The following VWA8 variants were observed in gnomAD, a reference collection of about 807,000 sequenced individuals.
VWA8 encodes the protein von Willebrand factor A domain-containing protein 8.
VWA8 carries 221 observed loss-of-function variants against 241.5 expected under a neutral mutation model. The ratio of observed to expected loss-of-function variants is 0.91; its 90% CI spans 0.82 to 1.02. VWA8 has a LOEUF of 1.02. Ranked by LOEUF, VWA8 falls within the 50% of genes least tolerant of loss-of-function variation. The pLI, the probability that VWA8 is intolerant of heterozygous loss-of-function variation, is 0.00. For missense variants in VWA8, 2,322 were observed against 2,328.7 expected (o/e 1.00, Z 0.06); for synonymous variants, 852 against 827.1 (o/e 1.03, Z -0.52).
intron 42 of VWA8, among the ~76,000 whole-genome samples, chr13:41,576,737 C>T (rs529510818): frequency 6.6e-6 from 1 of 152,326 alleles, no homozygotes; most frequent in South Asian, 2.1e-4. Flanking sequence ...ATGTTCTGTC[C>T]TCCCACTTTG....
chr13:41,661,824 A>G (rs147815394), intron 37 of VWA8, among the ~76,000 whole-genome samples: 98 of 152,288 alleles, frequency 6.4e-4, no homozygotes, highest in African/African-American at 2.3e-3. Flanking sequence ...TTATTTGCAT[A>G]TTGAAAAATC....
chr13:41,707,663 A>T (rs1172042860), intron 26 of VWA8, among the ~76,000 whole-genome samples: 1 of 152,186 alleles, frequency 6.6e-6, no homozygotes, highest in Non-Finnish European at 1.5e-5. Flanking sequence ...AGCCCTGACT[A>T]ATAATTCTGG....
chr13:41,950,843 A>G lies in VWA8; in HGVS notation c.164-830T>C, dbSNP rs563727841. On this transcript the variant is annotated intron_variant, in intron 1 of 44. Transcript: ENST00000379310. ...GCCACCACATCTGGCTAATTTTTGT[A>G]TTTTTAGTAGAGATGAGGTTTCACC... is the stretch of plus-strand genomic sequence containing the variant. 1.7e-3 allele frequency among the ~76,000 whole-genome samples: 256 copies of G among 150,070 alleles called. 2 individuals are homozygous for G. The highest frequency in any genetic ancestry group is 5.8e-3 in the African/African-American group (235 of 40,782).
In VWA8 at chr13:41,773,242, C is replaced by T. The variant is rs146171254; in HGVS notation, c.2349+4743G>A. The stretch of plus-strand genomic sequence containing the variant: ...CCCAGGAGAGCTGAGAGTCAATTGT[C>T]CTCCACCTATTATCTGCACCTTTAT... On this transcript the variant is annotated intron_variant, in intron 20 of 44. Transcript: ENST00000379310. 5.5e-3 allele frequency among the ~76,000 whole-genome samples: 832 copies of T among 152,294 alleles called. 6 individuals are homozygous for T. Among genetic ancestry groups the T allele is most frequent in the Middle Eastern group, 0.048 (14 of 294 alleles).
chr13:41,933,073 T>C (rs980332997), intron 2 of VWA8, among the ~76,000 whole-genome samples: 6 of 152,034 alleles, frequency 3.9e-5, no homozygotes, highest in African/African-American at 1.2e-4. Context: ...GACATGATTG[T>C]TTATATAGAA....
chr13:41,956,211 T>C (rs1878347323), intron 1 of VWA8, among the ~76,000 whole-genome samples: 1 of 152,128 alleles, frequency 6.6e-6, no homozygotes, highest in Non-Finnish European at 1.5e-5. Context: ...CTCTACCCGC[T>C]AGATGCCAGT....
At chr13:41,918,280 C>T (rs928106472) in intron 2 of VWA8, among the ~76,000 whole-genome samples, 2 of 152,130 alleles carry the variant, frequency 1.3e-5, no homozygotes, top group African/African-American at 4.8e-5. Context: ...TCCAATATAG[C>T]TGTTATCAAA....
intron 20 of VWA8, among the ~76,000 whole-genome samples, chr13:41,774,391 C>T (rs1266201878): frequency 3.3e-5 from 5 of 152,258 alleles, no homozygotes; most frequent in Admixed American, 2.6e-4. Context: ...GATCCACTCA[C>T]CTTGGCCTCC....
At chr13:41,836,165 G>T (rs912041489) in intron 12 of VWA8, among the ~76,000 whole-genome samples, 2 of 152,104 alleles carry the variant, frequency 1.3e-5, no homozygotes, top group Non-Finnish European at 2.9e-5. Context: ...GTTCTAATAT[G>T]ATGTGAGATT....
At chr13:41,630,171 G>T (rs768079719) in intron 37 of VWA8, among the ~76,000 whole-genome samples, 1 of 152,284 alleles carries the variant, frequency 6.6e-6, no homozygotes, top group African/African-American at 2.4e-5. Flanking sequence ...CTATTAGGGC[G>T]ACTTGTGATA....
At chr13:41,918,219 C>T (rs958295484) in intron 2 of VWA8, among the ~76,000 whole-genome samples, 7 of 152,116 alleles carry the variant, frequency 4.6e-5, no homozygotes, top group East Asian at 1.9e-4. Flanking sequence ...CATCAGCTTA[C>T]GTAGCTTATA....
At chr13:41,867,979 CT>C (rs1414698973) in intron 10 of VWA8, among the ~76,000 whole-genome samples, 5 of 152,158 alleles carry the variant, frequency 3.3e-5, no homozygotes, top group Admixed American at 1.3e-4. Context: ...AGAGCAGATC[CT>C]TTTTAAACCG....
chr13:41,865,426 C>T (rs1220748345), intron 12 of VWA8: 1 of 315,114 alleles, frequency 3.2e-6, no homozygotes, highest in African/African-American at 2.2e-5. Flanking sequence ...CTCCCACCTA[C>T]CTGTATTTTT....
At chr13:41,627,103 G>A (rs2044697029) in intron 37 of VWA8, among the ~76,000 whole-genome samples, 1 of 151,976 alleles carries the variant, frequency 6.6e-6, no homozygotes, top group African/African-American at 2.4e-5. Flanking sequence ...ATTAAAAAAT[G>A]GGCAAAGAGA....
At chr13:41,659,595 CTTG>C (rs1335833944) in intron 37 of VWA8, among the ~76,000 whole-genome samples, 1 of 152,156 alleles carries the variant, frequency 6.6e-6, no homozygotes, top group East Asian at 1.9e-4. Flanking sequence ...GTTAGTCTTT[CTTG>C]TTTATCTACT....
chr13:41,700,357 TAAGA>T (rs2045241678), intron 28 of VWA8, among the ~76,000 whole-genome samples: 1 of 151,960 alleles, frequency 6.6e-6, no homozygotes, highest in South Asian at 2.1e-4. Flanking sequence ...AGTGAACTGA[TAAGA>T]AACACAAGTC....
intron 32 of VWA8, 36 bp from the exon 33 acceptor site, chr13:41,690,311 T>C: frequency 6.4e-7 from 1 of 1,568,920 alleles, no homozygotes; most frequent in Non-Finnish European, 8.7e-7. Context: ...TAAGTGAAAT[T>C]TTTCTTTTTC....
chr13:41,673,841 G>C (rs2045041958), intron 36 of VWA8, among the ~76,000 whole-genome samples: 1 of 152,172 alleles, frequency 6.6e-6, no homozygotes, highest in Admixed American at 6.5e-5. Flanking sequence ...TGCTCTTCCA[G>C]ATGTTCTTTC....
chr13:41,797,331 C>A (rs1056240611), intron 17 of VWA8, among the ~76,000 whole-genome samples: 3 of 152,040 alleles, frequency 2.0e-5, no homozygotes, highest in Non-Finnish European at 4.4e-5. Context: ...TAAGCCACCA[C>A]ACCTGGACAA....
Sources: allele counts gnomAD v4.1 joint callset (sites outside exome capture counted in the v4.1 genomes callset), GRCh38; gene constraint gnomAD v4.1.1; transcripts MANE v1.5; gene names NCBI Gene and HGNC (gene_info 2026-07-23, HGNC 2026-07-21).